KRT3: variants seen among roughly 807,000 people sequenced by gnomAD.
The protein encoded by KRT3 is keratin 3.
KRT3 carries 34 observed loss-of-function variants against 45.8 expected under a neutral mutation model. The ratio of observed to expected loss-of-function variants is 0.74; its 90% confidence interval spans 0.57 to 0.99. The LOEUF (loss-of-function observed/expected upper bound fraction) is 0.99. Ranked by LOEUF, KRT3 falls within the 50% of genes least tolerant of loss-of-function variation. The pLI is 0.00. For missense variants in KRT3, 828 were observed against 820.6 expected (o/e 1.01, Z -0.11); for synonymous variants, 367 against 329.0 (o/e 1.12, Z -1.25).
In KRT3 at chr12:52,796,056, G is replaced by A; in HGVS notation, c.-14C>T. On this transcript the variant is annotated 5_prime_UTR_variant, in exon 1 of 9. Transcript: ENST00000417996. Reference sequence around the variant, plus strand: ...TTGTCTGCTCATGGTAAGGAGCTTGGCGAAGAGAAGAGTGTAAGTTAAGCA... The same window carrying A: ...TTGTCTGCTCATGGTAAGGAGCTTGACGAAGAGAAGAGTGTAAGTTAAGCA... 6.2e-7 allele frequency: 1 copy of A among 1,612,234 alleles called. No homozygotes were observed. Among genetic ancestry groups the A allele is most frequent in the Admixed American group, 1.7e-5 (1 of 60,014 alleles).
At chr12:52,794,385 G>A in intron 1 of KRT3, 54 bp from the exon 2 acceptor site, 1 of 1,383,578 alleles carries the variant, frequency 7.2e-7, no homozygotes. Flanking sequence ...GAGGAGCAGA[G>A]GGGCCTTCAC....
Position 52,793,307 on chromosome 12 carries a change from C to G in KRT3, c.867-84G>C, listed in dbSNP as rs943709354. ...GTTCCCTGGAACTCTGAAAGTTCAT[C>G]TCTTCCCTCCCTCCATCCCTATCCT... On this transcript the variant is annotated intron_variant, in intron 2 of 8. Coordinates refer to ENST00000417996, the MANE Select transcript of KRT3 (RefSeq NM_057088.3). The G allele has an allele frequency of 3.3e-6, 3 of 897,076 alleles. No homozygotes were observed. In the African/African-American group the frequency reaches 4.9e-5, roughly 15 times the overall value. 55.6% of individuals were successfully genotyped at this position (897,076 alleles called of 1,614,324 possible). A position where few individuals can be genotyped will look rare whatever the true frequency, so the allele number is the denominator to read the frequency against.
chr12:52,793,136 C>A, intron 3 of KRT3, 27 bp downstream of exon 3: 1 of 1,597,062 alleles, frequency 6.3e-7, no homozygotes, highest in Non-Finnish European at 8.6e-7. Flanking sequence ...AGCTGCAAGC[C>A]TCAGAAACCT....
In KRT3 at chr12:52,789,806, C is replaced by A; in HGVS notation, c.*236G>T. 4 of 615,182 alleles carry A rather than the reference C, an allele frequency of 6.5e-6. No individual in the cohort carries two copies. The highest frequency in any genetic ancestry group is 8.6e-6 in the Non-Finnish European group (3 of 349,268). 38.1% of individuals were successfully genotyped at this position (615,182 alleles called of 1,614,324 possible). On this transcript the variant is annotated 3_prime_UTR_variant, in exon 9 of 9. Transcript: ENST00000417996. The stretch of plus-strand genomic sequence containing the variant: ...GGGACTCCGGGGCAGCAGAAGGTGG[C>A]GGCCTAGGCCACACCTGGACAATCA...
Position 52,791,256 on chromosome 12 carries a change from C to T in KRT3, c.1485G>A (p.Leu495=), listed in dbSNP as rs376995818. Residue 495 remains leucine, a synonymous_variant, in exon 7 of 9, where the codon CTG becomes CTA. Transcript: ENST00000417996. The part of the protein sequence containing the change: ...YQELMNVKLA[L]DVEIATYRKL... ...TGCGGTAGGTGGCGATCTCCACGTC[C>T]AGGGCCAGCTTGACATTCATCAGCT... 4 of 1,614,132 alleles carry T rather than the reference C, an allele frequency of 2.5e-6. No homozygotes were observed. The African/African-American group carries it at 4.0e-5, about 16-fold the overall frequency.
Position 52,795,762 on chromosome 12 carries a change from C to A in KRT3, c.281G>T (p.Gly94Val). ...RSSCAFAGGYGGGFGSGYGGG... is the reference protein window; with the variant it reads ...RSSCAFAGGYVGGFGSGYGGG... ...TCCATAGCCGCTCCCAAAGCCACCT[C>A]CATAGCCACCTGCAAAGGCACAGCT... The change falls in exon 1 of 9, where the codon GGA becomes GTA. Residue 94 changes from glycine to valine, a missense_variant. Physicochemically the swap from Gly to Val is moderately radical, Grantham distance 109. Coordinates refer to ENST00000417996, the MANE Select transcript of KRT3 (RefSeq NM_057088.3). 1 of 1,614,018 alleles carries A rather than the reference C, an allele frequency of 6.2e-7. No individual in the cohort carries two copies. Among genetic ancestry groups the A allele is most frequent in the Non-Finnish European group, 8.5e-7 (1 of 1,179,870 alleles).
intron 5 of KRT3, 34 bp downstream of exon 5, chr12:52,792,205 C>G: frequency 6.2e-7 from 1 of 1,600,072 alleles, no homozygotes; most frequent in Non-Finnish European, 8.6e-7. Context: ...TCTGAAACCT[C>G]CAGTGGATCC....
At chr12:52,793,539 C>G (rs1200147211) in intron 2 of KRT3, among the ~76,000 whole-genome samples, 4 of 152,044 alleles carry the variant, frequency 2.6e-5, no homozygotes, top group Admixed American at 1.3e-4. Context: ...CCAGGATCTT[C>G]CCCAACCTGG....
Position 52,793,844 on chromosome 12 carries a change from G to A in KRT3, c.866+267C>T, listed in dbSNP as rs537661920. On this transcript the variant is annotated intron_variant, in intron 2 of 8. Transcript: ENST00000417996. ...TGACCTCAAATGATCTGTCCACCTC[G>A]GCCTCCCAAAGTGCTGGGATTACAG... 7.2e-5 allele frequency among the ~76,000 whole-genome samples: 11 copies of A among 152,138 alleles called. No homozygotes were observed. The East Asian group carries it at 1.5e-3, about 21-fold the overall frequency.
chr12:52,791,784 A>C lies in KRT3; in HGVS notation c.1221T>G (p.His407Gln). Residue 407 changes from histidine to glutamine, a missense_variant, in exon 6 of 9, where the codon CAT (histidine) becomes CAG (glutamine). Transcript: ENST00000417996. ...TCTTGGTATTTCTTAGGTCATCCCC[A>C]TGCCTGCCAGCCGTGGTCTGCAGCT... ...LGELQTTAGR[H>Q]GDDLRNTKSE... The C allele has an allele frequency of 6.2e-7, 1 of 1,614,062 alleles. No homozygotes were observed. Among genetic ancestry groups the C allele is most frequent in the South Asian group, 1.1e-5 (1 of 91,076 alleles).
At chr12:52,792,150 A>C in intron 5 of KRT3, 89 bp downstream of exon 5, 1 of 1,092,594 alleles carries the variant, frequency 9.2e-7, no homozygotes, top group Non-Finnish European at 1.3e-6. Flanking sequence ...TCACCCAGTG[A>C]CCACTGGGAA....
At chr12:52,794,598 T>C (rs1450814070) in intron 1 of KRT3, among the ~76,000 whole-genome samples, 1 of 152,208 alleles carries the variant, frequency 6.6e-6, no homozygotes, top group African/African-American at 2.4e-5. Flanking sequence ...TGCTTGTTGT[T>C]CCTGGGAACT....
chr12:52,792,460 G>A, intron 4 of KRT3, 57 bp from the exon 5 acceptor site: 2 of 1,532,928 alleles, frequency 1.3e-6, no homozygotes, highest in Non-Finnish European at 1.8e-6. Context: ...AGCACACAGG[G>A]CCCTGAAAGA....
In KRT3 at chr12:52,792,724, G is replaced by T. The variant is rs1335667053; in HGVS notation, c.1010C>A (p.Thr337Asn). The T allele has an allele frequency of 6.2e-7, 1 of 1,609,648 alleles. No homozygotes were observed. The highest frequency in any genetic ancestry group is 1.7e-5 in the Admixed American group (1 of 60,014). ...ALIDEIDFLR[T>N]LYDAELSQMQ... is the part of the protein sequence containing the mutation. ...TAACATCCTTACAGCGTCGTAGAGG[G>T]TCCTTAAGAAGTCGATCTCATCTAT... The change falls in exon 4 of 9, where the codon ACC (threonine) becomes AAC (asparagine). Residue 337 changes from threonine to asparagine, a missense_variant. Coordinates refer to ENST00000417996, the MANE Select transcript of KRT3 (RefSeq NM_057088.3).
chr12:52,793,024 A>G (rs545089666), intron 3 of KRT3, 139 bp downstream of exon 3: 1 of 700,164 alleles, frequency 1.4e-6, no homozygotes, highest in African/African-American at 1.8e-5. Context: ...GATCTTCCAG[A>G]CTAAGGTGCA....
intron 7 of KRT3, 65 bp from the exon 8 acceptor site, chr12:52,790,937 C>T (rs1939478558): frequency 5.4e-6 from 8 of 1,486,048 alleles, no homozygotes; most frequent in Non-Finnish European, 7.4e-6. Context: ...GTCCACGGAC[C>T]AAGGGCATGA....
At chr12:52,792,612 C>T in intron 4 of KRT3, 99 bp downstream of exon 4, 1 of 1,019,798 alleles carries the variant, frequency 9.8e-7, no homozygotes, top group Non-Finnish European at 1.6e-6. Context: ...CAGGCTCATT[C>T]CAGATGTCTT....
In KRT3 at chr12:52,789,886, G is replaced by A; in HGVS notation, c.*156C>T. The A allele has an allele frequency of 1.3e-6, 1 of 761,682 alleles. No individual in the cohort carries two copies. Among genetic ancestry groups the A allele is most frequent in the Non-Finnish European group, 2.2e-6 (1 of 459,962 alleles). 47.2% of individuals were successfully genotyped at this position (761,682 alleles called of 1,614,324 possible). ...CCTGAAATTCTCGTGACTGGGCTTG[G>A]CCGGGGATCTGGAAGGAGGAGCAAG... is the stretch of plus-strand genomic sequence containing the variant. On this transcript the variant is annotated 3_prime_UTR_variant, in exon 9 of 9. Coordinates refer to ENST00000417996, the MANE Select transcript of KRT3 (RefSeq NM_057088.3).
rs150657845 is a variant in KRT3 at position 52,795,835 on chromosome 12, C to T, written c.208G>A (p.Val70Met). The T allele has an allele frequency of 7.0e-4, 1,131 of 1,614,162 alleles. 9 individuals carry two copies. Among genetic ancestry groups the T allele is most frequent in the South Asian group, 4.5e-3 (411 of 91,080 alleles). ...LGGNKSISIS[V>M]AAGGSRAGGF... ...CCAGCCCGGGAGCCGCCAGCTGCCA[C>T]GCTGATGGAGATGCTCTTGTTGCCG... The change falls in exon 1 of 9, where the codon GTG becomes ATG. Residue 70 changes from valine to methionine, a missense_variant. Val to Met is a conservative substitution (Grantham distance 21). Coordinates refer to ENST00000417996, the MANE Select transcript of KRT3 (RefSeq NM_057088.3).
Sources: gnomAD v4.1 joint callset for allele counts (sites outside exome capture counted in the v4.1 genomes callset) on GRCh38, gnomAD v4.1.1 for gene constraint, MANE v1.5 for transcripts, NCBI Gene and HGNC (gene_info 2026-07-23, HGNC 2026-07-21) for gene names.